The following GALNT2 variants were observed in gnomAD, a reference collection of about 807,000 sequenced individuals.
GALNT2 encodes the protein polypeptide N-acetylgalactosaminyltransferase 2.
A neutral mutation model predicts 81.4 loss-of-function variants in GALNT2; 31 were observed. The ratio of observed to expected loss-of-function variants is 0.38; its 90% CI spans 0.29 to 0.51. The LOEUF is 0.51. Among genes scored for constraint, GALNT2 ranks in the 20% least tolerant of loss-of-function variants. The pLI, the probability that GALNT2 is intolerant of heterozygous loss-of-function variation, is 0.87. For synonymous variants in GALNT2, 303 were observed against 287.4 expected (o/e 1.05, Z -0.55); for missense variants, 629 against 765.7 (o/e 0.82, Z 2.11).
At chr1:230,084,126 G>A (rs1659830952) in intron 1 of GALNT2, among the ~76,000 whole-genome samples, 1 of 152,226 alleles carries the variant, frequency 6.6e-6, no homozygotes, top group African/African-American at 2.4e-5. Context: ...CTGCGTCCCA[G>A]TGGACTGTGA....
chr1:230,249,712 G>A (rs1297611609), intron 9 of GALNT2, among the ~76,000 whole-genome samples: 1 of 152,164 alleles, frequency 6.6e-6, no homozygotes, highest in Admixed American at 6.5e-5. Flanking sequence ...CGGGCGGTGG[G>A]CTTTCTGGTT....
chr1:230,118,818 T>TA (rs1368281953), intron 1 of GALNT2, among the ~76,000 whole-genome samples: 1 of 151,936 alleles, frequency 6.6e-6, no homozygotes, highest in African/African-American at 2.4e-5. Flanking sequence ...CTAGCCCAAT[T>TA]AAAAAAAGTT....
rs1478474249 is a variant in GALNT2, at chr1:230,279,741, G to A, written c.*283G>A. 9.6e-6 allele frequency: 5 copies of A among 523,048 alleles called. No individual in the cohort carries two copies. Among genetic ancestry groups the A allele is most frequent in the East Asian group, 4.1e-5 (1 of 24,250 alleles). The allele number at this position is 523,048 out of a possible 1,614,324, so 32.4% of individuals were successfully genotyped here. A position where few individuals can be genotyped will look rare whatever the true frequency, so the allele number is the denominator to read the frequency against. ...TCCAGCTTTCACTTCTGCCGGCTCC[G>A]CAACTGAGTGACACCCAGCGACAAC... On this transcript the variant is annotated 3_prime_UTR_variant, in exon 16 of 16. Coordinates refer to ENST00000366672, the MANE Select transcript of GALNT2 (RefSeq NM_004481.5). This position sits in a 1 kb window ranked among gnomAD's most constrained non-coding sequence, Gnocchi z 4.6.
chr1:230,136,995 T>C (rs1192861311), intron 1 of GALNT2, among the ~76,000 whole-genome samples: 1 of 152,228 alleles, frequency 6.6e-6, no homozygotes, highest in Non-Finnish European at 1.5e-5. Flanking sequence ...AGAGCATTTT[T>C]CCATAGTCAG....
intron 1 of GALNT2, among the ~76,000 whole-genome samples, chr1:230,103,080 C>A (rs914516119): frequency 2.0e-5 from 3 of 152,198 alleles, no homozygotes; most frequent in African/African-American, 7.2e-5. Flanking sequence ...ATAACTCTAT[C>A]AAATTTGCAT....
intron 1 of GALNT2, among the ~76,000 whole-genome samples, chr1:230,080,380 G>C (rs2102752641): frequency 6.6e-6 from 1 of 152,310 alleles, no homozygotes; most frequent in Middle Eastern, 3.4e-3. Flanking sequence ...GACCCAGGGA[G>C]CAGGCCTTGA....
chr1:230,109,324 G>A (rs1221134118), intron 1 of GALNT2, among the ~76,000 whole-genome samples: 2 of 152,168 alleles, frequency 1.3e-5, no homozygotes, highest in African/African-American at 2.4e-5. Flanking sequence ...AGGCTCCCTC[G>A]GGGTGTAGCA....
intron 1 of GALNT2, among the ~76,000 whole-genome samples, chr1:230,165,129 A>G (rs541768777): frequency 4.5e-4 from 68 of 152,354 alleles, no homozygotes; most frequent in African/African-American, 1.4e-3. Flanking sequence ...AACATGTGAA[A>G]GTCTGAGAAG....
chr1:230,255,704 C>T (rs999296336), intron 11 of GALNT2, among the ~76,000 whole-genome samples: 4 of 152,046 alleles, frequency 2.6e-5, no homozygotes, highest in Admixed American at 1.3e-4. Flanking sequence ...GGAGGAGGGA[C>T]GGAGCTGTTC....
rs371366833 is a variant in GALNT2 at position 230,177,083 on chromosome 1, A to T, written c.127-1135A>T. Among the ~76,000 whole-genome samples the T allele has an allele frequency of 3.9e-5, 6 of 152,270 alleles. No homozygotes were observed. In the East Asian group the frequency reaches 5.8e-4, roughly 15 times the overall value. ...GAGTCTTAGGCACAGTTTCTGTCTA[A>T]TTACCGCACCTCTTGAGTAAAAATG... On this transcript the variant is annotated intron_variant, in intron 1 of 15. Transcript: ENST00000366672.
chr1:230,114,500 T>A (rs562193947), intron 1 of GALNT2, among the ~76,000 whole-genome samples: 1 of 152,228 alleles, frequency 6.6e-6, no homozygotes, highest in South Asian at 2.1e-4. Context: ...TGTAGTGAGG[T>A]AGGAGGGATT....
At chr1:230,252,395 A>G (rs931222921) in intron 10 of GALNT2, among the ~76,000 whole-genome samples, 10 of 152,274 alleles carry the variant, frequency 6.6e-5, no homozygotes, top group Middle Eastern at 3.4e-3. Flanking sequence ...GAGGACCAAG[A>G]ACCTAACCCT....
intron 10 of GALNT2, among the ~76,000 whole-genome samples, chr1:230,253,093 C>T (rs1405070654): frequency 6.6e-6 from 1 of 152,166 alleles, no homozygotes; most frequent in Non-Finnish European, 1.5e-5. Context: ...GGTGATCCGC[C>T]TGCCTCGGCC....
At chr1:230,098,539 G>A (rs1446560660) in intron 1 of GALNT2, among the ~76,000 whole-genome samples, 12 of 151,830 alleles carry the variant, frequency 7.9e-5, no homozygotes, top group Admixed American at 7.9e-4. Flanking sequence ...ACAAGCAGAA[G>A]CCGCATCTGT....
intron 2 of GALNT2, among the ~76,000 whole-genome samples, chr1:230,179,608 A>T (rs1471990263): frequency 6.6e-6 from 1 of 151,958 alleles, no homozygotes; most frequent in Non-Finnish European, 1.5e-5. Context: ...TTCTTTTCTG[A>T]GGTGTTCACT....
At chr1:230,258,747 A>G (rs2102756712) in intron 11 of GALNT2, 1 of 152,340 alleles carries the variant, frequency 6.6e-6, no homozygotes, top group South Asian at 2.1e-4. Flanking sequence ...TTGTACAATA[A>G]GCTTTACAAA....
intron 1 of GALNT2, among the ~76,000 whole-genome samples, chr1:230,144,950 C>A (rs1661866678): frequency 6.6e-6 from 1 of 152,112 alleles, no homozygotes; most frequent in African/African-American, 2.4e-5. Context: ...CCCCGCAGGC[C>A]TTGAGGTGAG....
chr1:230,205,388 ATC>A (rs1664029739), intron 3 of GALNT2, among the ~76,000 whole-genome samples: 2 of 152,106 alleles, frequency 1.3e-5, no homozygotes, highest in African/African-American at 4.8e-5. Context: ...GTGTGTTAAT[ATC>A]TGATACATAT....
At position 230,136,617 on chromosome 1, in the gene GALNT2, G is replaced by A. The variant is rs200932958; in HGVS notation, c.127-41601G>A. On this transcript the variant is annotated intron_variant, in intron 1 of 15. Transcript: ENST00000366672. Reference sequence around the variant, plus strand: ...GTCTTCAGATCACACACTCCGCAGCGGCTCTGCTCTGCCGCGCCCCTTCAG... The same window carrying A: ...GTCTTCAGATCACACACTCCGCAGCAGCTCTGCTCTGCCGCGCCCCTTCAG... 5.3e-5 allele frequency among the ~76,000 whole-genome samples: 8 copies of A among 152,300 alleles called. No individual in the cohort carries two copies. In the East Asian group the frequency reaches 1.2e-3, roughly 22 times the overall value.
Sources: gnomAD v4.1 joint callset for allele counts (sites outside exome capture counted in the v4.1 genomes callset) on GRCh38, gnomAD v4.1.1 for gene constraint, Gnocchi (gnomAD v3.1) non-coding constraint, MANE v1.5 for transcripts, NCBI Gene and HGNC (gene_info 2026-07-23, HGNC 2026-07-21) for gene names.